The following MEIS1 variants were observed in gnomAD, a reference collection of about 807,000 sequenced individuals.
MEIS1 encodes homeobox protein Meis1.
MEIS1 carries 5 observed loss-of-function variants against 50.8 expected under a neutral mutation model. The observed-to-expected ratio is 0.10, with a 90% confidence interval of 0.05 to 0.21. The LOEUF is 0.21. Among genes scored for constraint, MEIS1 ranks in the 10% least tolerant of loss-of-function variants. The pLI is 1.00. For synonymous variants in MEIS1, 176 were observed against 179.3 expected (o/e 0.98, Z 0.15); for missense variants, 318 against 517.3 (o/e 0.61, Z 3.74).
At chr2:66,571,052 G>C in intron 12 of MEIS1, 194 bp from the exon 13 acceptor site, 1 of 584,302 alleles carries the variant, frequency 1.7e-6, no homozygotes, top group South Asian at 2.5e-5. Context: ...AAGGAAAATA[G>C]TGGCAAAATG....
At chr2:66,474,012 A>G (rs1456583540) in intron 7 of MEIS1, among the ~76,000 whole-genome samples, 1 of 152,210 alleles carries the variant, frequency 6.6e-6, no homozygotes, top group Non-Finnish European at 1.5e-5. Context: ...ATGCTTTGCA[A>G]ATAGTTGTTA....
At chr2:66,540,198 G>T (rs1372491479) in intron 8 of MEIS1, among the ~76,000 whole-genome samples, 1 of 152,176 alleles carries the variant, frequency 6.6e-6, no homozygotes, top group Non-Finnish European at 1.5e-5. Flanking sequence ...TGCATTTGTT[G>T]TACTGACAAA....
Position 66,569,040 on chromosome 2 carries a change from T to G in MEIS1, c.1115-10T>G, listed in dbSNP as rs1675421471. The G allele has an allele frequency of 6.2e-7, 1 of 1,612,938 alleles. No homozygotes were observed. Among genetic ancestry groups the G allele is most frequent in the East Asian group, 2.2e-5 (1 of 44,868 alleles). On this transcript the variant is annotated splice_polypyrimidine_tract_variant and intron_variant, in intron 11 of 12. Transcript: ENST00000272369. The stretch of plus-strand genomic sequence containing the variant: ...TCTGGCCTCTTCTTGGATTTTTATC[T>G]CCCTTCTAGGACCTATGAGTGGAAT...
At chr2:66,537,270 C>T (rs1286115018) in intron 8 of MEIS1, among the ~76,000 whole-genome samples, 1 of 152,206 alleles carries the variant, frequency 6.6e-6, no homozygotes, top group Admixed American at 6.5e-5. Context: ...TACATAATCA[C>T]CCCTGAATTA....
chr2:66,436,070 A>G (rs1671789624), intron 1 of MEIS1, among the ~76,000 whole-genome samples: 1 of 151,970 alleles, frequency 6.6e-6, no homozygotes, highest in East Asian at 1.9e-4. Flanking sequence ...AAAGGAATCT[A>G]TTTATCTATA....
Position 66,435,625 on chromosome 2 carries a change from T to C in MEIS1, c.-232T>C. On this transcript the variant is annotated 5_prime_UTR_variant, in exon 1 of 13. Transcript: ENST00000272369. ...GCTTTTTTTTGCCCCCGCTGCTGTC[T>C]TGGAAACGGAGCGCTTTTATGCTCA... 2.4e-6 allele frequency: 1 copy of C among 414,076 alleles called. No individual in the cohort carries two copies. The highest frequency in any genetic ancestry group is 4.3e-6 in the Non-Finnish European group (1 of 231,624). 25.7% of individuals were successfully genotyped at this position (414,076 alleles called of 1,614,324 possible). A position where few individuals can be genotyped will look rare whatever the true frequency, so the allele number is the denominator to read the frequency against.
chr2:66,492,884 C>T (rs1673306340), intron 7 of MEIS1, among the ~76,000 whole-genome samples: 1 of 152,196 alleles, frequency 6.6e-6, no homozygotes, highest in South Asian at 2.1e-4. Flanking sequence ...CTTAGTTATG[C>T]TGTTGAACAC....
chr2:66,561,071 C>G (rs1478055979), intron 9 of MEIS1, among the ~76,000 whole-genome samples: 2 of 152,136 alleles, frequency 1.3e-5, no homozygotes, highest in Non-Finnish European at 2.9e-5. Flanking sequence ...AGTTATGGAT[C>G]ATTAAATCCA....
chr2:66,509,634 A>C (rs997533014), intron 7 of MEIS1, among the ~76,000 whole-genome samples: 16 of 152,234 alleles, frequency 1.1e-4, no homozygotes, highest in Non-Finnish European at 1.6e-4. Context: ...TCACTTAAAA[A>C]ATTCTGTTCC....
chr2:66,564,985 T>A (rs1231075047), intron 9 of MEIS1, among the ~76,000 whole-genome samples: 1 of 152,056 alleles, frequency 6.6e-6, no homozygotes, highest in Non-Finnish European at 1.5e-5. Flanking sequence ...ACAGCCTTGT[T>A]TATAGATGGG....
intron 8 of MEIS1, among the ~76,000 whole-genome samples, chr2:66,521,628 A>G (rs1245489034): frequency 6.6e-6 from 1 of 152,214 alleles, no homozygotes; most frequent in African/African-American, 2.4e-5. Flanking sequence ...TAATGTTTCC[A>G]TAAACAGTGG....
intron 7 of MEIS1, among the ~76,000 whole-genome samples, chr2:66,489,079 T>C (rs781587013): frequency 1.4e-4 from 21 of 152,202 alleles, no homozygotes; most frequent in Non-Finnish European, 3.1e-4. Flanking sequence ...TTAAAATCAT[T>C]GTTTGTGTTG....
At chr2:66,440,068 A>ACACACACACACACACACACACAC (rs1553370177) in intron 3 of MEIS1, 84 bp downstream of exon 3, 1 of 721,088 alleles carries the variant, frequency 1.4e-6, no homozygotes, top group African/African-American at 1.9e-5. Context: ...CGCGCGCGCG[A>ACACACACACACACACACACACAC]ACACACACAC....
chr2:66,515,064 CTG>C (rs910497163), intron 8 of MEIS1, among the ~76,000 whole-genome samples: 8 of 152,234 alleles, frequency 5.3e-5, no homozygotes, highest in East Asian at 1.9e-4. Flanking sequence ...ATTAGGAAGA[CTG>C]TACAAATTTT....
At chr2:66,546,644 T>G (rs2103927810) in intron 8 of MEIS1, among the ~76,000 whole-genome samples, 1 of 152,362 alleles carries the variant, frequency 6.6e-6, no homozygotes, top group Non-Finnish European at 1.5e-5. Context: ...ATTACCATCC[T>G]GTCTGTAATA....
At chr2:66,544,131 C>T (rs932925079) in intron 8 of MEIS1, among the ~76,000 whole-genome samples, 1 of 152,214 alleles carries the variant, frequency 6.6e-6, no homozygotes, top group Non-Finnish European at 1.5e-5. Context: ...TACTCTTTAT[C>T]TCTTTTGCAA....
At chr2:66,567,884 C>A (rs996726781) in intron 10 of MEIS1, 4 of 469,312 alleles carry the variant, frequency 8.5e-6, no homozygotes, top group Non-Finnish European at 1.5e-5. Flanking sequence ...AACTTTATTA[C>A]CTGTCAAAAG....
chr2:66,471,604 G>A (rs1210210832), intron 7 of MEIS1, among the ~76,000 whole-genome samples: 1 of 152,182 alleles, frequency 6.6e-6, no homozygotes, highest in Non-Finnish European at 1.5e-5. Context: ...CAAGACTCAT[G>A]CAATATTTTA....
At chr2:66,510,094 G>A (rs1441017143) in intron 7 of MEIS1, among the ~76,000 whole-genome samples, 1 of 152,050 alleles carries the variant, frequency 6.6e-6, no homozygotes, top group East Asian at 1.9e-4. Context: ...GTTACCTTTT[G>A]CATATTGAAA....
Sources: allele counts gnomAD v4.1 joint callset (sites outside exome capture counted in the v4.1 genomes callset), GRCh38; gene constraint gnomAD v4.1.1; transcripts MANE v1.5; gene names NCBI Gene and HGNC (gene_info 2026-07-23, HGNC 2026-07-21).